GANC: variants seen among roughly 807,000 people sequenced by gnomAD.
GANC encodes the protein neutral alpha-glucosidase C.
Under a neutral mutation model 124.2 loss-of-function variants are expected in GANC, and 117 were observed. That is an observed-to-expected ratio of 0.94 (90% CI 0.81 to 1.10). The LOEUF is 1.10. Ranked by LOEUF, GANC falls within the 50% of genes least tolerant of loss-of-function variation. GANC has a pLI of 0.00. For missense variants in GANC, 1,140 were observed against 1,095.0 expected, an observed-to-expected ratio of 1.04 and a Z score of -0.58; for synonymous variants, 377 against 376.8, an observed-to-expected ratio of 1.00 and a Z score of -0.01.
At chr15:42,341,425 G>A (rs920674410) in intron 18 of GANC, among the ~76,000 whole-genome samples, 1 of 152,034 alleles carries the variant, frequency 6.6e-6, no homozygotes, top group African/African-American at 2.4e-5. Context: ...GCAATAATAG[G>A]GTTTTTCTTT....
At chr15:42,296,689 A>G (rs555234206) in intron 5 of GANC, among the ~76,000 whole-genome samples, 1 of 152,254 alleles carries the variant, frequency 6.6e-6, no homozygotes, top group South Asian at 2.1e-4. Flanking sequence ...TGCCGCACCC[A>G]GACTCCTTGG....
At chr15:42,351,554 G>T in intron 23 of GANC, 122 bp downstream of exon 23, 1 of 684,798 alleles carries the variant, frequency 1.5e-6, no homozygotes, top group Non-Finnish European at 2.6e-6. Flanking sequence ...TTCAGGTAGA[G>T]GTGAAATATA....
intron 1 of GANC, among the ~76,000 whole-genome samples, chr15:42,275,995 G>A (rs1465464179): frequency 2.0e-5 from 3 of 152,116 alleles, no homozygotes; most frequent in South Asian, 4.1e-4. Flanking sequence ...TGGTTTGTTC[G>A]TTTTGGGATG....
At chr15:42,306,651 C>G (rs767133893) in intron 7 of GANC, 39 bp downstream of exon 7, 1 of 1,351,122 alleles carries the variant, frequency 7.4e-7, no homozygotes, top group Non-Finnish European at 1.0e-6. Context: ...ACAGATCATT[C>G]TAAAAATGTC....
At chr15:42,287,640 G>T in intron 3 of GANC, 51 bp from the exon 4 acceptor site, 1 of 1,565,904 alleles carries the variant, frequency 6.4e-7, no homozygotes, top group East Asian at 2.3e-5. Context: ...GTGCAAAATT[G>T]GCCATCACTT....
At chr15:42,285,481 G>A (rs1380740233) in intron 3 of GANC, among the ~76,000 whole-genome samples, 1 of 152,174 alleles carries the variant, frequency 6.6e-6, no homozygotes, top group Non-Finnish European at 1.5e-5. Flanking sequence ...AGTAGAGCCT[G>A]GACCAAGAAA....
At chr15:42,332,679 AG>A (rs2052255309) in intron 15 of GANC, among the ~76,000 whole-genome samples, 1 of 152,074 alleles carries the variant, frequency 6.6e-6, no homozygotes, top group South Asian at 2.1e-4. Context: ...TGAAGTCAAG[AG>A]GAAATTAGAA....
chr15:42,335,459 C>T (rs1287322705), intron 15 of GANC, among the ~76,000 whole-genome samples: 1 of 152,124 alleles, frequency 6.6e-6, no homozygotes, highest in Non-Finnish European at 1.5e-5. Context: ...ACTGAAGGAA[C>T]ATACCTCAAA....
In GANC at chr15:42,323,287, A is replaced by G. The variant is rs2052175625; in HGVS notation, c.1293+1267A>G. Among the ~76,000 whole-genome samples the G allele has an allele frequency of 3.9e-5, 6 of 152,138 alleles. No individual in the cohort carries two copies. The South Asian group carries it at 1.2e-3, about 32-fold the overall frequency. ...TATTTAATGAGGCCTTGAACCTTCA[A>G]GATGCTATGGTAGTGCTGAAGGGTA... On this transcript the variant is annotated intron_variant, in intron 11 of 23. Transcript: ENST00000318010.
intron 11 of GANC, among the ~76,000 whole-genome samples, chr15:42,324,714 T>G (rs2141059264): frequency 6.6e-6 from 1 of 152,302 alleles, no homozygotes; most frequent in Admixed American, 6.5e-5. Flanking sequence ...AAATACCGTG[T>G]GATTCCACTA....
At position 42,353,185 on chromosome 15, in the gene GANC, C is replaced by G; in HGVS notation, c.*1046C>G. The G allele has an allele frequency of 1.0e-6, 1 of 985,970 alleles. No individual in the cohort carries two copies. Among genetic ancestry groups the G allele is most frequent in the Non-Finnish European group, 1.2e-6 (1 of 830,064 alleles). 61.1% of individuals were successfully genotyped at this position (985,970 alleles called of 1,614,324 possible). The stretch of plus-strand genomic sequence containing the variant: ...CCCAAGGCTCCACAGACCTCAGTGG[C>G]TCCCTGCTGCCTGCCACAGCATCTG... On this transcript the variant is annotated 3_prime_UTR_variant, in exon 24 of 24. Coordinates refer to ENST00000318010, the MANE Select transcript of GANC (RefSeq NM_198141.3).
chr15:42,316,625 G>A (rs911716740), intron 10 of GANC, among the ~76,000 whole-genome samples: 3 of 152,214 alleles, frequency 2.0e-5, no homozygotes, highest in East Asian at 1.9e-4. Flanking sequence ...GACAAGGAAC[G>A]TGACCATTGA....
At chr15:42,294,405 C>T (rs555679165) in intron 5 of GANC, among the ~76,000 whole-genome samples, 121 of 151,062 alleles carry the variant, frequency 8.0e-4, no homozygotes, top group Middle Eastern at 3.4e-3. Flanking sequence ...GAAACCCTGT[C>T]TCTAGTAAAA....
At chr15:42,330,820 C>G in intron 15 of GANC, 148 bp downstream of exon 15, 1 of 560,636 alleles carries the variant, frequency 1.8e-6, no homozygotes. Flanking sequence ...CAGAGTCTCG[C>G]TTTGTCACCC....
chr15:42,320,821 C>T (rs1566957182), intron 10 of GANC, among the ~76,000 whole-genome samples: 1 of 152,136 alleles, frequency 6.6e-6, no homozygotes, highest in Non-Finnish European at 1.5e-5. Context: ...GTGGGCATGT[C>T]TACTGGTGTT....
At chr15:42,346,833 C>A (rs1256777813) in intron 20 of GANC, among the ~76,000 whole-genome samples, 1 of 152,170 alleles carries the variant, frequency 6.6e-6, no homozygotes, top group Non-Finnish European at 1.5e-5. Flanking sequence ...AACTTTCTTT[C>A]TACACCTGAA....
intron 7 of GANC, among the ~76,000 whole-genome samples, chr15:42,307,465 C>G (rs59132828): frequency 0.19 from 28,699 of 151,746 alleles, 3,117 homozygotes; most frequent in South Asian, 0.29. Context: ...TCCCAAAGTG[C>G]TGGGATTACA....
Position 42,352,264 on chromosome 15 carries a change from G to C in GANC, c.*125G>C. 6.7e-7 allele frequency: 1 copy of C among 1,489,268 alleles called. No homozygotes were observed. The highest frequency in any genetic ancestry group is 8.9e-7 in the Non-Finnish European group (1 of 1,118,888). The allele number at this position is 1,489,268 out of a possible 1,614,324, so 92.3% of individuals were successfully genotyped here. On this transcript the variant is annotated 3_prime_UTR_variant, in exon 24 of 24. Transcript: ENST00000318010. ...CCTGAATCAAAATAATCTTTCATTC[G>C]TCACCATTATACTAATGAACAATAG... is the stretch of plus-strand genomic sequence containing the variant.
At chr15:42,329,180 C>A in intron 13 of GANC, 126 bp from the exon 14 acceptor site, 1 of 927,608 alleles carries the variant, frequency 1.1e-6, no homozygotes, top group Non-Finnish European at 1.6e-6. Context: ...AACTTATACT[C>A]TAGCAGTGGA....
Sources: allele counts gnomAD v4.1 joint callset (sites outside exome capture counted in the v4.1 genomes callset), GRCh38; gene constraint gnomAD v4.1.1; transcripts MANE v1.5; gene names NCBI Gene and HGNC (gene_info 2026-07-23, HGNC 2026-07-21).